The following MRPS25 variants were observed in gnomAD, a reference collection of about 807,000 sequenced individuals.
The protein encoded by MRPS25 is small ribosomal subunit protein mS25.
A neutral mutation model predicts 17.3 loss-of-function variants in MRPS25; 15 were observed. The ratio of observed to expected loss-of-function variants is 0.87; its 90% CI spans 0.58 to 1.34. The LOEUF (loss-of-function observed/expected upper bound fraction) is 1.34, where lower values mean the gene tolerates loss of function less well. MRPS25 is among the 40% of genes most tolerant of loss of function. The probability of loss-of-function intolerance (pLI) is 0.00; values close to 1 mark genes in which losing one functional copy is unlikely to be tolerated. For missense variants in MRPS25, 225 were observed against 218.6 expected, an observed-to-expected ratio of 1.03 and a Z score of -0.19; for synonymous variants, 94 against 83.3, an observed-to-expected ratio of 1.13 and a Z score of -0.70.
chr3:15,042,754 C>T (rs979735457), downstream of MRPS25: 35 of 1,330,988 alleles, frequency 2.6e-5, no homozygotes, highest in South Asian at 8.0e-5. Context: ...GCAATACAGA[C>T]GGGACCCCAG....
chr3:15,050,703 A>C lies in MRPS25; in HGVS notation c.*1738T>G. On this transcript the variant is annotated 3_prime_UTR_variant, in exon 4 of 4. Coordinates refer to ENST00000253686, the MANE Select transcript of MRPS25 (RefSeq NM_022497.5). ...ACAAGATGCTAGATTTCAATTAAACACTCCCTTTGTAAGTCTGTCACTCAA... is the reference window on the plus strand; with the variant it reads ...ACAAGATGCTAGATTTCAATTAAACCCTCCCTTTGTAAGTCTGTCACTCAA... 3 of 985,008 alleles carry C rather than the reference A, an allele frequency of 3.0e-6. No individual in the cohort carries two copies. The highest frequency in any genetic ancestry group is 3.6e-6 in the Non-Finnish European group (3 of 829,850). 61.0% of individuals were successfully genotyped at this position (985,008 alleles called of 1,614,324 possible). A position where few individuals can be genotyped will look rare whatever the true frequency, so the allele number is the denominator to read the frequency against.
chr3:15,053,557 G>T, intron 2 of MRPS25, 90 bp from the exon 3 acceptor site: 1 of 1,358,922 alleles, frequency 7.4e-7, no homozygotes. Context: ...GCTTTTAGTG[G>T]CAGAAACATT....
chr3:15,063,566 C>T (rs1297031260), intron 1 of MRPS25, among the ~76,000 whole-genome samples: 1 of 152,114 alleles, frequency 6.6e-6, no homozygotes, highest in Non-Finnish European at 1.5e-5. Flanking sequence ...CACAGGCCAG[C>T]CCCTACCACC....
rs528929064 is a variant in MRPS25 at position 15,061,673 on chromosome 3, G to T, written c.135-2198C>A. 1.4e-3 allele frequency among the ~76,000 whole-genome samples: 207 copies of T among 151,266 alleles called. 1 individual carries two copies. The highest frequency in any genetic ancestry group is 3.4e-3 in the South Asian group (16 of 4,762). On this transcript the variant is annotated intron_variant, in intron 1 of 3. Transcript: ENST00000253686. ...AAGTGAGGAGCGTCTCTGCCTGGCCGCCCATCATCTGGGATGTGAGGAGCC... is the reference window on the plus strand; with the variant it reads ...AAGTGAGGAGCGTCTCTGCCTGGCCTCCCATCATCTGGGATGTGAGGAGCC...
chr3:15,052,397 C>T lies in MRPS25; in HGVS notation c.*44G>A. On this transcript the variant is annotated 3_prime_UTR_variant, in exon 4 of 4. Transcript: ENST00000253686. The stretch of plus-strand genomic sequence containing the variant: ...CAAAGTAATCCCATTCCAATCTCCC[C>T]ACTGGTCAGACACCATCACCCCAGC... 1 of 1,581,792 alleles carries T rather than the reference C, an allele frequency of 6.3e-7. No homozygotes were observed. The highest frequency in any genetic ancestry group is 8.6e-7 in the Non-Finnish European group (1 of 1,159,498).
rs986908176 is a variant in MRPS25, at chr3:15,052,524, C to A, written c.439G>T (p.Val147Leu). The A allele has an allele frequency of 1.9e-6, 3 of 1,614,070 alleles. No individual in the cohort carries two copies. The African/African-American group carries it at 4.0e-5, about 22-fold the overall frequency. Residue 147 changes from valine to leucine, a missense_variant, in exon 4 of 4, where the codon GTG becomes TTG. Transcript: ENST00000253686. ...AATGGCACCAGGCTGGGGCAGGGCA[C>A]CTGCCCTTCCACTTCACAGATGCAC... is the stretch of plus-strand genomic sequence containing the variant. ...RECICEVEGQ[V>L]PCPSLVPLPK...
At chr3:15,043,337 G>A (rs2042337514), downstream of MRPS25, 1 of 172,442 alleles carries the variant, frequency 5.8e-6, no homozygotes, top group Admixed American at 6.1e-5. Flanking sequence ...AAAACTGAAA[G>A]AACCTGAGAG....
At chr3:15,044,939 A>T (rs147389110), downstream of MRPS25, 144 of 152,366 alleles carry the variant, frequency 9.5e-4, 1 homozygote, top group African/African-American at 3.3e-3. Context: ...TCATTTTATA[A>T]TTCTTGCCTT....
intron 1 of MRPS25, among the ~76,000 whole-genome samples, chr3:15,064,274 G>A (rs1030587776): frequency 3.9e-5 from 6 of 152,128 alleles, no homozygotes; most frequent in African/African-American, 1.4e-4. Flanking sequence ...AGAGCCTAAG[G>A]CACTGCTTAG....
At chr3:15,044,087 G>A (rs2042366775), downstream of MRPS25, 1 of 152,194 alleles carries the variant, frequency 6.6e-6, no homozygotes, top group Non-Finnish European at 1.5e-5. Context: ...CCCTTGAAAA[G>A]GGCTCGTGTT....
chr3:15,044,966 G>T (rs913827927), downstream of MRPS25: 3 of 152,254 alleles, frequency 2.0e-5, no homozygotes, highest in Non-Finnish European at 4.4e-5. Flanking sequence ...AAATTTTGGA[G>T]AGTAGTGGGA....
At position 15,065,246 on chromosome 3, in the gene MRPS25, G is replaced by C. The variant is rs758717380; in HGVS notation, c.-52C>G. 1 of 1,540,100 alleles carries C rather than the reference G, an allele frequency of 6.5e-7. No individual in the cohort carries two copies. Among genetic ancestry groups the C allele is most frequent in the Non-Finnish European group, 8.7e-7 (1 of 1,144,646 alleles). On this transcript the variant is annotated 5_prime_UTR_variant, in exon 1 of 4. Transcript: ENST00000253686. ...CACGGGCCGCGAGCCGAGCAGCGAC[G>C]AGAAAGGACTAGCTAGCACCCGCGC...
Position 15,051,241 on chromosome 3 carries a change from T to A in MRPS25, c.*1200A>T. On this transcript the variant is annotated 3_prime_UTR_variant, in exon 4 of 4. Coordinates refer to ENST00000253686, the MANE Select transcript of MRPS25 (RefSeq NM_022497.5). ...CTCTGTGGCCCAGGCTGGAGTGCAGTAGCGCACGATCATGATTCACTGCAG... is the reference window on the plus strand; with the variant it reads ...CTCTGTGGCCCAGGCTGGAGTGCAGAAGCGCACGATCATGATTCACTGCAG... 1 of 926,936 alleles carries A rather than the reference T, an allele frequency of 1.1e-6. No individual in the cohort carries two copies. 57.4% of individuals were successfully genotyped at this position (926,936 alleles called of 1,614,324 possible).
In MRPS25 at chr3:15,052,199, A is replaced by T; in HGVS notation, c.*242T>A. 1 of 1,247,134 alleles carries T rather than the reference A, an allele frequency of 8.0e-7. No individual in the cohort carries two copies. The highest frequency in any genetic ancestry group is 1.0e-6 in the Non-Finnish European group (1 of 994,102). The allele number at this position is 1,247,134 out of a possible 1,614,324, so 77.3% of individuals were successfully genotyped here. On this transcript the variant is annotated 3_prime_UTR_variant, in exon 4 of 4. Coordinates refer to ENST00000253686, the MANE Select transcript of MRPS25 (RefSeq NM_022497.5). ...CTTCCTCTTCACTAGGACCAGATAC[A>T]CGCCAAGCTGCTATTAGGAAGCGTT...
chr3:15,048,414 G>A (rs920352860), downstream of MRPS25: 21 of 152,692 alleles, frequency 1.4e-4, no homozygotes, highest in African/African-American at 4.1e-4. Context: ...ATTAAAGTGT[G>A]AGCTTAAGAA....
At position 15,052,459 on chromosome 3, in the gene MRPS25, T is replaced by C; in HGVS notation, c.504A>G (p.Lys168=). Residue 168 remains lysine, a synonymous_variant, in exon 4 of 4, where the codon AAA becomes AAG. Transcript: ENST00000253686. ...EMRGKYKAAL[K]ADAQD ...GTGGGCCTTAGTCCTGGGCATCGGC[T>C]TTCAGAGCGGCTTTGTACTTCCCCC... 1 of 1,613,962 alleles carries C rather than the reference T, an allele frequency of 6.2e-7. No individual in the cohort carries two copies. The highest frequency in any genetic ancestry group is 1.7e-5 in the Admixed American group (1 of 60,024).
Position 15,051,636 on chromosome 3 carries a change from G to C in MRPS25, c.*805C>G. On this transcript the variant is annotated 3_prime_UTR_variant, in exon 4 of 4. Coordinates refer to ENST00000253686, the MANE Select transcript of MRPS25 (RefSeq NM_022497.5). The stretch of plus-strand genomic sequence containing the variant: ...CAGTAATGCAGCACTCCCTCCTCCA[G>C]AGCTTGGTAAGCAGGGCCTGAGGGA... 1 of 985,632 alleles carries C rather than the reference G, an allele frequency of 1.0e-6. No homozygotes were observed. The highest frequency in any genetic ancestry group is 1.2e-6 in the Non-Finnish European group (1 of 830,096). 61.1% of individuals were successfully genotyped at this position (985,632 alleles called of 1,614,324 possible).
At chr3:15,042,277 C>G (rs9820676), downstream of MRPS25, among the ~76,000 whole-genome samples, 11,549 of 152,176 alleles carry the variant, frequency 0.076, 577 homozygotes, top group African/African-American at 0.13. Context: ...ATTTATAATG[C>G]TAAATGAACA....
At chr3:15,043,360 G>C (rs1452139051), downstream of MRPS25, 21 of 157,930 alleles carry the variant, frequency 1.3e-4, no homozygotes, top group Admixed American at 1.4e-3. Flanking sequence ...TAGTATGTGT[G>C]TATATATATA....
Sources: allele counts gnomAD v4.1 joint callset (sites outside exome capture counted in the v4.1 genomes callset), GRCh38; gene constraint gnomAD v4.1.1; transcripts MANE v1.5; gene names NCBI Gene and HGNC (gene_info 2026-07-23, HGNC 2026-07-21).